The following KDR variants were observed in gnomAD, a reference collection of about 807,000 sequenced individuals.
KDR encodes kinase insert domain receptor, also known as vascular endothelial growth factor receptor 2.
A neutral mutation model predicts 160.9 loss-of-function variants in KDR; 43 were observed. The ratio of observed to expected loss-of-function variants is 0.27; its 90% CI spans 0.21 to 0.34. The LOEUF (loss-of-function observed/expected upper bound fraction) is 0.34. Ranked by LOEUF, KDR falls within the 10% of genes least tolerant of loss-of-function variation. The pLI is 1.00. For synonymous variants in KDR, 617 were observed against 600.1 expected (o/e 1.03, Z -0.41); for missense variants, 1,469 against 1,666.4 (o/e 0.88, Z 2.06).
chr4:55,086,187 A>G (rs1358488429), intron 27 of KDR, among the ~76,000 whole-genome samples: 1 of 152,362 alleles, frequency 6.6e-6, no homozygotes, highest in Non-Finnish European at 1.5e-5. Context: ...CTTAGGGGTC[A>G]GAGGAACTGG....
At chr4:55,085,783 C>T (rs781168445) in intron 27 of KDR, among the ~76,000 whole-genome samples, 4 of 152,174 alleles carry the variant, frequency 2.6e-5, no homozygotes, top group African/African-American at 4.8e-5. Context: ...GGAGCCAGGC[C>T]TGTGCTGGGA....
chr4:55,093,107 G>C (rs1720059446), intron 21 of KDR, among the ~76,000 whole-genome samples: 1 of 152,176 alleles, frequency 6.6e-6, no homozygotes, highest in African/African-American at 2.4e-5. Context: ...ACAATATTCA[G>C]GGTCATTGAA....
chr4:55,097,772 G>A lies in KDR; in HGVS notation c.2510-6C>T. 1 of 1,595,358 alleles carries A rather than the reference G, an allele frequency of 6.3e-7. No individual in the cohort carries two copies. Among genetic ancestry groups the A allele is most frequent in the Non-Finnish European group, 8.6e-7 (1 of 1,163,646 alleles). On this transcript the variant is annotated splice_polypyrimidine_tract_variant and splice_region_variant and intron_variant, in intron 17 of 29. Coordinates refer to ENST00000263923, the MANE Select transcript of KDR (RefSeq NM_002253.4). ...ACCACGGCCAAGAGGCTTACCTAGAGTCAACAACAACAGCAACAAGAAAAC... is the reference window on the plus strand; with the variant it reads ...ACCACGGCCAAGAGGCTTACCTAGAATCAACAACAACAGCAACAAGAAAAC...
intron 14 of KDR, 71 bp downstream of exon 14, chr4:55,102,291 T>C: frequency 6.5e-7 from 1 of 1,535,534 alleles, no homozygotes; most frequent in Admixed American, 1.7e-5. Flanking sequence ...CATCAAGAAA[T>C]AATATGGCTT....
Position 55,104,695 on chromosome 4 carries a change from T to C in KDR, c.1935A>G (p.Gln645=). 1 of 1,613,892 alleles carries C rather than the reference T, an allele frequency of 6.2e-7. No homozygotes were observed. Among genetic ancestry groups the C allele is most frequent in the Non-Finnish European group, 8.5e-7 (1 of 1,179,862 alleles). Residue 645 remains glutamine (Q), a synonymous_variant, in exon 13 of 30, where the codon CAA becomes CAG. Transcript: ENST00000263923. ...AATGTCTTTTCTTGGTCTTCCTGTC[T>C]TGAGCAAGGCAGACATAGTCTCCTT... is the stretch of plus-strand genomic sequence containing the variant. ...QDQGDYVCLA[Q]DRKTKKRHCV...
chr4:55,093,531 T>A (rs1309007810), intron 21 of KDR, among the ~76,000 whole-genome samples: 1 of 152,212 alleles, frequency 6.6e-6, no homozygotes, highest in East Asian at 1.9e-4. Flanking sequence ...TCTGGCTCAC[T>A]GGCCACTGTT....
intron 26 of KDR, among the ~76,000 whole-genome samples, chr4:55,088,532 T>A (rs1015420221): frequency 1.3e-5 from 2 of 152,250 alleles, no homozygotes; most frequent in African/African-American, 4.8e-5. Flanking sequence ...CAGAATTTAT[T>A]AAAAATTTCT....
chr4:55,109,289 G>C (rs1201654935), intron 9 of KDR, among the ~76,000 whole-genome samples: 1 of 151,922 alleles, frequency 6.6e-6, no homozygotes, highest in Non-Finnish European at 1.5e-5. Context: ...CATCATGTTG[G>C]CCAGGCTGGT....
intron 22 of KDR, among the ~76,000 whole-genome samples, chr4:55,091,475 G>A (rs1033759810): frequency 8.5e-5 from 13 of 152,052 alleles, no homozygotes; most frequent in Non-Finnish European, 2.9e-5. Context: ...ACTAAGTGGC[G>A]AATTCCGGCC....
At chr4:55,093,233 T>G (rs1024099250) in intron 21 of KDR, among the ~76,000 whole-genome samples, 2 of 152,242 alleles carry the variant, frequency 1.3e-5, no homozygotes, top group Non-Finnish European at 2.9e-5. Flanking sequence ...TAAAAAGTGC[T>G]GTAAATACAT....
chr4:55,091,644 C>T (rs1221592735), intron 22 of KDR, among the ~76,000 whole-genome samples: 2 of 152,060 alleles, frequency 1.3e-5, no homozygotes, highest in African/African-American at 2.4e-5. Flanking sequence ...GCCTTTAATG[C>T]TATGAGAAGG....
intron 12 of KDR, 64 bp from the exon 13 acceptor site, chr4:55,105,048 G>T (rs930307655): frequency 1.1e-5 from 14 of 1,331,798 alleles, no homozygotes; most frequent in African/African-American, 1.4e-5. Flanking sequence ...CTATCATCTT[G>T]CTGCTTTCAG....
In KDR at chr4:55,096,468, A is replaced by G. The variant is rs1720160278; in HGVS notation, c.2615-126T>C. ...GGGTAACACAGCTGTGACCTAGTTT[A>G]CAGACCACATGCATTTCCTCAAAAG... On this transcript the variant is annotated intron_variant, in intron 18 of 29. Transcript: ENST00000263923. 3 of 690,002 alleles carry G rather than the reference A, an allele frequency of 4.3e-6. No homozygotes were observed. The East Asian group carries it at 8.1e-5, about 19-fold the overall frequency. 42.7% of individuals were successfully genotyped at this position (690,002 alleles called of 1,614,324 possible).
Position 55,089,533 on chromosome 4 carries a change from A to G in KDR, c.3305-60T>C, listed in dbSNP as rs896185830. ...TGATTTTCTCTTATAGAAAACCCTG[A>G]GCCTGAATCTTGCACATCCTCATCA... On this transcript the variant is annotated intron_variant, in intron 24 of 29. Coordinates refer to ENST00000263923, the MANE Select transcript of KDR (RefSeq NM_002253.4). The G allele has an allele frequency of 5.5e-6, 8 of 1,451,704 alleles. No homozygotes were observed. In the Admixed American group the frequency reaches 1.0e-4, roughly 18 times the overall value. The allele number at this position is 1,451,704 out of a possible 1,614,324, so 89.9% of individuals were successfully genotyped here. A position where few individuals can be genotyped will look rare whatever the true frequency, so the allele number is the denominator to read the frequency against.
At chr4:55,085,734 G>A (rs2110007969) in intron 27 of KDR, among the ~76,000 whole-genome samples, 1 of 152,320 alleles carries the variant, frequency 6.6e-6, no homozygotes, top group South Asian at 2.1e-4. Flanking sequence ...AGAGAAACTG[G>A]GCTGGAAAAA....
At chr4:55,099,610 T>C (rs1182444757) in intron 15 of KDR, among the ~76,000 whole-genome samples, 2 of 152,150 alleles carry the variant, frequency 1.3e-5, no homozygotes, top group African/African-American at 2.4e-5. Context: ...AGTAGGGAAA[T>C]AAACAAAATT....
chr4:55,089,069 G>A (rs940591806), intron 25 of KDR, 96 bp from the exon 26 acceptor site: 42 of 842,426 alleles, frequency 5.0e-5, no homozygotes, highest in Admixed American at 7.9e-5. Flanking sequence ...AAGAGCTGAC[G>A]AGGTGAGATG....
At chr4:55,094,728 TCCTTGTAACA>T in intron 21 of KDR, 64 bp downstream of exon 21, 1 of 1,397,896 alleles carries the variant, frequency 7.2e-7, no homozygotes, top group Non-Finnish European at 1.0e-6. Flanking sequence ...ATGATCAAAT[TCCTTGTAACA>T]CCCTATCACC....
intron 13 of KDR, 71 bp downstream of exon 13, chr4:55,104,572 A>G (rs1375602352): frequency 1.7e-6 from 2 of 1,165,692 alleles, no homozygotes; most frequent in Non-Finnish European, 2.5e-6. Flanking sequence ...ATCTTTGCAT[A>G]GCACCTGAAT....
Sources: allele counts gnomAD v4.1 joint callset (sites outside exome capture counted in the v4.1 genomes callset), GRCh38; gene constraint gnomAD v4.1.1; transcripts MANE v1.5; gene names NCBI Gene and HGNC (gene_info 2026-07-23, HGNC 2026-07-21).